The following PREX2 variants were observed in gnomAD, a reference collection of about 807,000 sequenced individuals.
PREX2 encodes the protein phosphatidylinositol-3,4,5-trisphosphate dependent Rac exchange factor 2.
Under a neutral mutation model 203.2 loss-of-function variants are expected in PREX2, and 107 were observed. That is an observed-to-expected ratio of 0.53 (90% CI 0.45 to 0.62). The LOEUF (loss-of-function observed/expected upper bound fraction) is 0.62, where lower values mean the gene tolerates loss of function less well. Ranked by LOEUF, PREX2 falls within the 20% of genes least tolerant of loss-of-function variation. The probability of loss-of-function intolerance (pLI) is 0.00; values close to 1 mark genes in which losing one functional copy is unlikely to be tolerated. For synonymous variants in PREX2, 672 were observed against 663.6 expected, an observed-to-expected ratio of 1.01 and a Z score of -0.19; for missense variants, 1,777 against 1,955.9, an observed-to-expected ratio of 0.91 and a Z score of 1.72.
chr8:67,953,833 T>C (rs571639288), intron 1 of PREX2, among the ~76,000 whole-genome samples: 1 of 152,360 alleles, frequency 6.6e-6, no homozygotes, highest in East Asian at 1.9e-4. Flanking sequence ...AGAATTATTA[T>C]ATACTTCCTT....
intron 17 of PREX2, 97 bp downstream of exon 17, chr8:68,080,935 CT>C: frequency 1.3e-6 from 1 of 759,012 alleles, no homozygotes; most frequent in Non-Finnish European, 2.3e-6. Context: ...GATAATCAGC[CT>C]TGAAATTATC....
chr8:68,222,774 A>G (rs1812981080), intron 38 of PREX2, among the ~76,000 whole-genome samples: 1 of 152,168 alleles, frequency 6.6e-6, no homozygotes, highest in Non-Finnish European at 1.5e-5. Context: ...CAGAGTGATC[A>G]AAGTTAATGT....
intron 1 of PREX2, among the ~76,000 whole-genome samples, chr8:67,990,017 G>A (rs1006507751): frequency 2.6e-5 from 4 of 151,718 alleles, no homozygotes; most frequent in Non-Finnish European, 4.4e-5. Context: ...AGACAGTCTC[G>A]CTGTGTTGCT....
intron 39 of PREX2, among the ~76,000 whole-genome samples, chr8:68,229,363 A>C (rs1813121751): frequency 6.6e-6 from 1 of 152,232 alleles, no homozygotes; most frequent in Non-Finnish European, 1.5e-5. Flanking sequence ...CACTCTGCCC[A>C]ACAATTTATC....
chr8:68,214,366 T>C (rs955223741), intron 37 of PREX2, among the ~76,000 whole-genome samples: 1 of 152,046 alleles, frequency 6.6e-6, no homozygotes, highest in African/African-American at 2.4e-5. Context: ...CGCCACTGCA[T>C]TCCAGCCTGG....
chr8:68,143,377 C>G (rs1811264051), intron 33 of PREX2, among the ~76,000 whole-genome samples: 1 of 152,104 alleles, frequency 6.6e-6, no homozygotes, highest in South Asian at 2.1e-4. Flanking sequence ...CCTGCTACCC[C>G]TTTCGTCTTC....
Position 68,055,296 on chromosome 8 carries a change from C to T in PREX2, c.1094-534C>T, listed in dbSNP as rs186699867. Reference sequence around the variant, plus strand: ...ATCTCCTATCTTTTCTCTTAAAACCCATGGCTCCGGGCCTCCAAGTTGCTT... The same window carrying T: ...ATCTCCTATCTTTTCTCTTAAAACCTATGGCTCCGGGCCTCCAAGTTGCTT... On this transcript the variant is annotated intron_variant, in intron 9 of 39. Transcript: ENST00000288368. 2.8e-4 allele frequency among the ~76,000 whole-genome samples: 43 copies of T among 152,256 alleles called. No homozygotes were observed. In the East Asian group the frequency reaches 7.9e-3, roughly 28 times the overall value.
rs148814593 is a variant in PREX2 at position 68,144,528 on chromosome 8, T to G, written c.4088-1681T>G. Among the ~76,000 whole-genome samples the G allele has an allele frequency of 7.6e-4, 116 of 152,318 alleles. 1 individual carries two copies. The highest frequency in any genetic ancestry group is 2.6e-3 in the African/African-American group (108 of 41,568). The stretch of plus-strand genomic sequence containing the variant: ...TATAAGAAAGGAATTGACTTTTTTA[T>G]ATTAACCTGTATCCTGAAACCTAGC... On this transcript the variant is annotated intron_variant, in intron 33 of 39. Transcript: ENST00000288368.
intron 1 of PREX2, among the ~76,000 whole-genome samples, chr8:68,001,158 A>G (rs774190797): frequency 6.6e-6 from 1 of 152,220 alleles, no homozygotes. Context: ...CAAACAGACA[A>G]CGTACCCAAT....
intron 11 of PREX2, among the ~76,000 whole-genome samples, chr8:68,065,724 T>C (rs7007048): frequency 6.6e-6 from 1 of 152,128 alleles, no homozygotes; most frequent in African/African-American, 2.4e-5. Context: ...CAGCAAATTA[T>C]CTCTTCTACA....
chr8:68,132,254 A>G (rs1352914193), intron 31 of PREX2, among the ~76,000 whole-genome samples: 1 of 152,030 alleles, frequency 6.6e-6, no homozygotes, highest in Non-Finnish European at 1.5e-5. Context: ...TGCACAACAA[A>G]ATAGGTGTTT....
chr8:68,196,478 C>CATAT (rs533436022), intron 37 of PREX2, among the ~76,000 whole-genome samples: 2 of 145,078 alleles, frequency 1.4e-5, no homozygotes, highest in Non-Finnish European at 3.0e-5. Context: ...TATATATGTA[C>CATAT]ATATATATAT....
At chr8:68,214,733 C>T (rs1178876529) in intron 37 of PREX2, among the ~76,000 whole-genome samples, 1 of 152,104 alleles carries the variant, frequency 6.6e-6, no homozygotes, top group Non-Finnish European at 1.5e-5. Flanking sequence ...TGGCAGCATT[C>T]CTGAGAGGCT....
chr8:68,096,951 A>G (rs1245777300), intron 21 of PREX2, 66 bp from the exon 22 acceptor site: 8 of 1,362,752 alleles, frequency 5.9e-6, no homozygotes, highest in Non-Finnish European at 4.1e-6. Flanking sequence ...AAAGAGACAC[A>G]AAATTATTTG....
intron 35 of PREX2, among the ~76,000 whole-genome samples, chr8:68,179,891 C>A (rs1013507060): frequency 6.6e-6 from 1 of 152,018 alleles, no homozygotes; most frequent in Non-Finnish European, 1.5e-5. Flanking sequence ...CATAGTTTAT[C>A]AACAATAAGA....
In PREX2 at chr8:68,224,589, T is replaced by C. The variant is rs901569951; in HGVS notation, c.4738T>C (p.Leu1580=). 1 of 1,613,824 alleles carries C rather than the reference T, an allele frequency of 6.2e-7. No individual in the cohort carries two copies. Among genetic ancestry groups the C allele is most frequent in the Non-Finnish European group, 8.5e-7 (1 of 1,179,882 alleles). The change falls in exon 39 of 40, where the codon TTG becomes CTG. Residue 1580 remains leucine (L), a synonymous_variant. Coordinates refer to ENST00000288368, the MANE Select transcript of PREX2 (RefSeq NM_024870.4). ...GARVQNTAKN[L]GVRDRTPQSA... ...AAGAGTTCAGAACACAGCGAAGAAT[T>C]TGGGAGTCAGAGACCGGACTCCACA...
At chr8:68,226,886 T>A (rs1813066485) in intron 39 of PREX2, among the ~76,000 whole-genome samples, 1 of 152,200 alleles carries the variant, frequency 6.6e-6, no homozygotes, top group Non-Finnish European at 1.5e-5. Flanking sequence ...CTGTCAGCAT[T>A]GTAATGCATG....
intron 5 of PREX2, among the ~76,000 whole-genome samples, chr8:68,029,967 T>C (rs1405270484): frequency 6.6e-6 from 1 of 152,164 alleles, no homozygotes; most frequent in Non-Finnish European, 1.5e-5. Context: ...CCTTTAATGA[T>C]GGAGTATTGT....
chr8:68,162,149 G>C (rs1265474795), intron 35 of PREX2, among the ~76,000 whole-genome samples: 2 of 152,188 alleles, frequency 1.3e-5, no homozygotes, highest in Non-Finnish European at 1.5e-5. Flanking sequence ...TAGAATTCCA[G>C]ATTTAGGTTG....
Sources: gnomAD v4.1 joint callset for allele counts (sites outside exome capture counted in the v4.1 genomes callset) on GRCh38, gnomAD v4.1.1 for gene constraint, MANE v1.5 for transcripts, NCBI Gene and HGNC (gene_info 2026-07-23, HGNC 2026-07-21) for gene names.